SGCZ: variants seen among roughly 807,000 people sequenced by gnomAD.
SGCZ encodes zeta-sarcoglycan.
SGCZ carries 40 observed loss-of-function variants against 41.3 expected under a neutral mutation model. The observed-to-expected ratio is 0.97, with a 90% confidence interval of 0.75 to 1.26. The LOEUF (loss-of-function observed/expected upper bound fraction) is 1.26. SGCZ is among the 50% of genes most tolerant of loss of function. SGCZ has a pLI of 0.00. For missense variants in SGCZ, 552 were observed against 369.8 expected (o/e 1.49, Z -4.04); for synonymous variants, 206 against 137.5 (o/e 1.50, Z -3.49).
At chr8:14,300,220 A>G (rs563105912) in intron 3 of SGCZ, among the ~76,000 whole-genome samples, 35 of 152,082 alleles carry the variant, frequency 2.3e-4, no homozygotes, top group African/African-American at 7.9e-4. Flanking sequence ...TAATTAAAAA[A>G]GAACAAAATT....
At chr8:14,871,846 A>G (rs902062309) in intron 1 of SGCZ, among the ~76,000 whole-genome samples, 1 of 150,920 alleles carries the variant, frequency 6.6e-6, no homozygotes, top group Non-Finnish European at 1.5e-5. Context: ...ATATGTATGT[A>G]TATATATGCA....
intron 4 of SGCZ, among the ~76,000 whole-genome samples, chr8:14,214,083 C>G (rs991626781): frequency 1.3e-5 from 2 of 152,046 alleles, no homozygotes; most frequent in African/African-American, 4.8e-5. Context: ...ACCAGGTGAT[C>G]AAAGCTACCA....
At chr8:15,173,763 T>C (rs998696762) in intron 1 of SGCZ, among the ~76,000 whole-genome samples, 3 of 152,166 alleles carry the variant, frequency 2.0e-5, no homozygotes, top group Non-Finnish European at 4.4e-5. Flanking sequence ...GATTCATTCA[T>C]TTATTTAGAG....
At chr8:15,081,647 G>C (rs994831996) in intron 1 of SGCZ, among the ~76,000 whole-genome samples, 1 of 152,202 alleles carries the variant, frequency 6.6e-6, no homozygotes, top group African/African-American at 2.4e-5. Flanking sequence ...GACATTTCCA[G>C]TAGGTGTTGT....
chr8:14,771,998 T>C (rs1439952402), intron 1 of SGCZ, among the ~76,000 whole-genome samples: 1 of 152,172 alleles, frequency 6.6e-6, no homozygotes, highest in Middle Eastern at 3.2e-3. Flanking sequence ...CTTGATGATT[T>C]TTCAACTTTA....
chr8:14,916,183 G>T (rs750914221), intron 1 of SGCZ, among the ~76,000 whole-genome samples: 22 of 152,136 alleles, frequency 1.4e-4, no homozygotes, highest in South Asian at 4.1e-4. Context: ...ACATATGTAA[G>T]TAACAAATAA....
chr8:14,582,108 TTC>T (rs931340686), intron 1 of SGCZ, among the ~76,000 whole-genome samples: 3 of 152,130 alleles, frequency 2.0e-5, no homozygotes, highest in East Asian at 1.9e-4. Flanking sequence ...TAAATATATT[TTC>T]TCTTTCTTGT....
chr8:14,339,354 T>C (rs1370810993), intron 2 of SGCZ, among the ~76,000 whole-genome samples: 2 of 152,204 alleles, frequency 1.3e-5, no homozygotes, highest in Non-Finnish European at 2.9e-5. Flanking sequence ...AAACAATTGC[T>C]GAGAATGGTT....
intron 1 of SGCZ, among the ~76,000 whole-genome samples, chr8:15,176,620 T>A (rs554503768): frequency 1.3e-5 from 2 of 152,216 alleles, no homozygotes; most frequent in African/African-American, 4.8e-5. Flanking sequence ...TTAAATCCAA[T>A]AATTGAAAAT....
At chr8:14,550,087 G>A (rs915229499) in intron 2 of SGCZ, among the ~76,000 whole-genome samples, 2 of 151,874 alleles carry the variant, frequency 1.3e-5, no homozygotes, top group South Asian at 2.1e-4. Flanking sequence ...GACCAACACC[G>A]ACATACAAGA....
chr8:14,489,851 C>G (rs969044904), intron 2 of SGCZ, among the ~76,000 whole-genome samples: 4 of 138,876 alleles, frequency 2.9e-5, no homozygotes, highest in East Asian at 2.1e-4. Flanking sequence ...ACTGGCTCGC[C>G]GAAAAATTCT....
At chr8:14,323,050 T>G (rs1345146389) in intron 3 of SGCZ, among the ~76,000 whole-genome samples, 3 of 152,046 alleles carry the variant, frequency 2.0e-5, no homozygotes, top group Non-Finnish European at 2.9e-5. Flanking sequence ...ACTAAAGGAG[T>G]ACCAAAATAA....
At chr8:14,657,227 C>T (rs552522139) in intron 1 of SGCZ, among the ~76,000 whole-genome samples, 2 of 151,850 alleles carry the variant, frequency 1.3e-5, no homozygotes, top group Admixed American at 6.6e-5. Flanking sequence ...TCCCTGTAAC[C>T]CCAGAAATCT....
intron 2 of SGCZ, among the ~76,000 whole-genome samples, chr8:14,521,241 A>G (rs947114462): frequency 1.3e-5 from 2 of 152,040 alleles, no homozygotes; most frequent in Non-Finnish European, 2.9e-5. Flanking sequence ...CCTGACAACC[A>G]CTAATCTCTT....
At chr8:14,472,702 A>T (rs976125791) in intron 2 of SGCZ, among the ~76,000 whole-genome samples, 10 of 152,270 alleles carry the variant, frequency 6.6e-5, no homozygotes, top group African/African-American at 2.2e-4. Context: ...GAGAAGGAAT[A>T]TATCAGTATT....
chr8:15,214,253 G>A (rs1362550126), intron 1 of SGCZ, among the ~76,000 whole-genome samples: 2 of 151,836 alleles, frequency 1.3e-5, no homozygotes, highest in Admixed American at 6.6e-5. Flanking sequence ...ATACTGTCAC[G>A]ATAACTAAGC....
At chr8:14,405,966 A>G (rs1323312050) in intron 2 of SGCZ, among the ~76,000 whole-genome samples, 1 of 152,152 alleles carries the variant, frequency 6.6e-6, no homozygotes, top group Non-Finnish European at 1.5e-5. Flanking sequence ...TACCTTTGTC[A>G]TATTTATTTA....
chr8:14,163,541 C>G (rs1168328649), intron 5 of SGCZ, among the ~76,000 whole-genome samples: 3 of 152,184 alleles, frequency 2.0e-5, no homozygotes, highest in Admixed American at 2.0e-4. Flanking sequence ...AGAGCCAACA[C>G]AACCTCTTCA....
intron 5 of SGCZ, among the ~76,000 whole-genome samples, chr8:14,110,913 T>G (rs1802351445): frequency 6.6e-6 from 1 of 151,880 alleles, no homozygotes; most frequent in Non-Finnish European, 1.5e-5. Context: ...AAAAATTAGC[T>G]GGGCATGGTG....
Sources: gnomAD v4.1 joint callset for allele counts (sites outside exome capture counted in the v4.1 genomes callset) on GRCh38, gnomAD v4.1.1 for gene constraint, MANE v1.5 for transcripts, NCBI Gene and HGNC (gene_info 2026-07-23, HGNC 2026-07-21) for gene names.